LRRC7: variants seen among roughly 807,000 people sequenced by gnomAD.
The protein encoded by LRRC7 is leucine rich repeat containing 7.
Under a neutral mutation model 175.7 loss-of-function variants are expected in LRRC7, and 23 were observed. That is an observed-to-expected ratio of 0.13 (90% confidence interval 0.09 to 0.19). The LOEUF is 0.19. Ranked by LOEUF, LRRC7 falls within the 10% of genes least tolerant of loss-of-function variation. The pLI, the probability that LRRC7 is intolerant of heterozygous loss-of-function variation, is 1.00. For missense variants in LRRC7, 1,354 were observed against 1,904.7 expected, an observed-to-expected ratio of 0.71 and a Z score of 5.38; for synonymous variants, 685 against 680.9, an observed-to-expected ratio of 1.01 and a Z score of -0.09.
intron 11 of LRRC7, among the ~76,000 whole-genome samples, chr1:69,999,050 G>A (rs1040429407): frequency 6.6e-6 from 1 of 152,150 alleles, no homozygotes; most frequent in Admixed American, 6.6e-5. Context: ...AGCCAAGTGG[G>A]GCTTGCAGCC....
chr1:69,773,338 G>C (rs1248927738), intron 3 of LRRC7, among the ~76,000 whole-genome samples: 1 of 152,148 alleles, frequency 6.6e-6, no homozygotes, highest in Non-Finnish European at 1.5e-5. Flanking sequence ...AAGAAAATAT[G>C]GGTGCAGATG....
intron 23 of LRRC7, among the ~76,000 whole-genome samples, chr1:70,074,322 A>G (rs2102124828): frequency 6.6e-6 from 1 of 152,326 alleles, no homozygotes; most frequent in African/African-American, 2.4e-5. Context: ...AAGAAAAGAT[A>G]TTCCATGGCA....
chr1:69,904,563 T>C (rs894237096), intron 7 of LRRC7, among the ~76,000 whole-genome samples: 1 of 125,002 alleles, frequency 8.0e-6, no homozygotes, highest in African/African-American at 2.5e-5. Context: ...ATTTCTTTTT[T>C]AGTATTTCGA....
rs182054215 is a variant in LRRC7, at chr1:69,930,878, A to G, written c.648-629A>G. Among the ~76,000 whole-genome samples, 5 of 149,830 alleles carry G rather than the reference A, an allele frequency of 3.3e-5. No individual in the cohort carries two copies. The East Asian group carries it at 9.7e-4, about 29-fold the overall frequency. ...ATTCTCACTTTCATGAGAACAGCAT[A>G]GGAGAAACCACCCCCATGATCCAAT... On this transcript the variant is annotated intron_variant, in intron 7 of 26. Transcript: ENST00000651989.
intron 8 of LRRC7, among the ~76,000 whole-genome samples, chr1:69,952,274 A>G (rs1352876566): frequency 1.3e-5 from 2 of 152,228 alleles, no homozygotes; most frequent in African/African-American, 4.8e-5. Context: ...TCTAGAACTT[A>G]TAGAATATTG....
chr1:69,899,476 A>G (rs944705558), intron 7 of LRRC7, among the ~76,000 whole-genome samples: 9 of 152,218 alleles, frequency 5.9e-5, no homozygotes, highest in Admixed American at 2.6e-4. Flanking sequence ...ATTTCCAACT[A>G]TTCCATATCA....
At chr1:69,714,897 T>C (rs1665173300) in intron 2 of LRRC7, among the ~76,000 whole-genome samples, 1 of 152,220 alleles carries the variant, frequency 6.6e-6, no homozygotes, top group Admixed American at 6.5e-5. Context: ...TATGTCTGCC[T>C]AAACACATCA....
At chr1:69,784,681 G>A (rs1557725198) in intron 3 of LRRC7, among the ~76,000 whole-genome samples, 1 of 151,962 alleles carries the variant, frequency 6.6e-6, no homozygotes, top group Non-Finnish European at 1.5e-5. Flanking sequence ...TCAGCCTTTT[G>A]TCTTCTCTAA....
chr1:69,851,099 A>G (rs1463687576), intron 7 of LRRC7, among the ~76,000 whole-genome samples: 2 of 152,136 alleles, frequency 1.3e-5, no homozygotes, highest in Non-Finnish European at 2.9e-5. Flanking sequence ...TGTGAGAGGG[A>G]GGAGTCAATT....
At chr1:69,828,309 C>T (rs969475240) in intron 5 of LRRC7, among the ~76,000 whole-genome samples, 17 of 152,004 alleles carry the variant, frequency 1.1e-4, no homozygotes, top group African/African-American at 3.6e-4. Context: ...TTTTCTGAGT[C>T]GTATGGTATG....
chr1:69,995,539 G>T (rs1345272283), intron 11 of LRRC7, among the ~76,000 whole-genome samples: 1 of 151,154 alleles, frequency 6.6e-6, no homozygotes, highest in Non-Finnish European at 1.5e-5. Flanking sequence ...ATCTCCCAAT[G>T]CTATCCCTCC....
chr1:69,948,291 C>T (rs538141590), intron 8 of LRRC7, among the ~76,000 whole-genome samples: 61 of 152,156 alleles, frequency 4.0e-4, no homozygotes, highest in Non-Finnish European at 7.8e-4. Context: ...ATATGTTTAC[C>T]TTTAACAGTA....
At chr1:69,748,368 T>C (rs1371633653) in intron 2 of LRRC7, among the ~76,000 whole-genome samples, 1 of 152,098 alleles carries the variant, frequency 6.6e-6, no homozygotes, top group Non-Finnish European at 1.5e-5. Flanking sequence ...TAACATTGCG[T>C]CTCATCACAA....
At chr1:69,629,365 A>G (rs1303031672) in intron 1 of LRRC7, among the ~76,000 whole-genome samples, 1 of 152,180 alleles carries the variant, frequency 6.6e-6, no homozygotes, top group African/African-American at 2.4e-5. Flanking sequence ...ATAAATAAGA[A>G]TACATAAATG....
At chr1:70,055,790 A>C (rs1019937018) in intron 23 of LRRC7, among the ~76,000 whole-genome samples, 10 of 152,210 alleles carry the variant, frequency 6.6e-5, no homozygotes, top group Non-Finnish European at 8.8e-5. Flanking sequence ...ACCTCCCACT[A>C]GGTCCCTCCT....
chr1:69,578,941 T>C (rs529664280), intron 1 of LRRC7, among the ~76,000 whole-genome samples: 1 of 151,374 alleles, frequency 6.6e-6, no homozygotes, highest in South Asian at 2.1e-4. Context: ...AGTATAATAA[T>C]AATAAAATAA....
intron 4 of LRRC7, among the ~76,000 whole-genome samples, chr1:69,793,623 C>T (rs1228561640): frequency 6.6e-6 from 1 of 151,120 alleles, no homozygotes; most frequent in Non-Finnish European, 1.5e-5. Context: ...AATAGAAGCA[C>T]ATTTTACTCT....
intron 1 of LRRC7, among the ~76,000 whole-genome samples, chr1:69,618,262 G>A (rs768528523): frequency 5.9e-5 from 9 of 152,112 alleles, no homozygotes; most frequent in South Asian, 2.1e-4. Flanking sequence ...TTCATAGCCC[G>A]CATCTGGCTC....
Position 69,973,213 on chromosome 1 carries a change from C to T in LRRC7, c.712-7166C>T, listed in dbSNP as rs183935283. Among the ~76,000 whole-genome samples the T allele has an allele frequency of 3.1e-3, 473 of 151,800 alleles. 3 individuals are homozygous for T. The highest frequency in any genetic ancestry group is 0.01 in the African/African-American group (425 of 41,422). On this transcript the variant is annotated intron_variant, in intron 8 of 26. Coordinates refer to ENST00000651989, the MANE Select transcript of LRRC7 (RefSeq NM_001370785.2). ...AAAAACCAAACATCGTATGTTGTCACTCATATGTGGGAGCTAAGCTATGAC... is the reference window on the plus strand; with the variant it reads ...AAAAACCAAACATCGTATGTTGTCATTCATATGTGGGAGCTAAGCTATGAC...
Sources: gnomAD v4.1 joint callset for allele counts (sites outside exome capture counted in the v4.1 genomes callset) on GRCh38, gnomAD v4.1.1 for gene constraint, MANE v1.5 for transcripts, NCBI Gene and HGNC (gene_info 2026-07-23, HGNC 2026-07-21) for gene names.